ASIC2: variants seen among roughly 807,000 people sequenced by gnomAD.
The protein encoded by ASIC2 is acid-sensing ion channel 2.
Under a neutral mutation model 57.3 loss-of-function variants are expected in ASIC2, and 25 were observed. The observed-to-expected ratio is 0.44, with a 90% CI of 0.32 to 0.61. The LOEUF (loss-of-function observed/expected upper bound fraction) is 0.61. Ranked by LOEUF, ASIC2 falls within the 20% of genes least tolerant of loss-of-function variation. The pLI is 0.06. For synonymous variants in ASIC2, 319 were observed against 307.5 expected, an observed-to-expected ratio of 1.04 and a Z score of -0.39; for missense variants, 641 against 738.1, an observed-to-expected ratio of 0.87 and a Z score of 1.52.
rs928130769 is a variant in ASIC2, at chr17:33,317,875, G to T, written c.556-205808C>A. ...TGATTTTTGTGAAATGGATTTGGAC[G>T]TGTGGAGATGAGTGTGTGTGTGTGT... is the stretch of plus-strand genomic sequence containing the variant. On this transcript the variant is annotated intron_variant, in intron 1 of 9. Coordinates refer to the ASIC2 transcript ENST00000359872. Among the ~76,000 whole-genome samples the T allele has an allele frequency of 2.1e-5, 3 of 142,768 alleles. No homozygotes were observed. In the Admixed American group the frequency reaches 2.2e-4, roughly 10 times the overall value. The allele number at this position is 142,768 out of a possible 152,430, so 93.7% of individuals were successfully genotyped here.
At chr17:33,129,067 A>C (rs4795748) in intron 1 of ASIC2, among the ~76,000 whole-genome samples, 83,886 of 152,092 alleles carry the variant, frequency 0.55, 23,742 homozygotes, top group East Asian at 0.65. Flanking sequence ...GAAAGAGATA[A>C]TGCTGCAATT....
At chr17:33,496,165 C>T (rs1913923646) in intron 1 of ASIC2, among the ~76,000 whole-genome samples, 1 of 152,270 alleles carries the variant, frequency 6.6e-6, no homozygotes, top group South Asian at 2.1e-4. Flanking sequence ...GGCAGAAGAA[C>T]AGAAAGCCAT....
At position 33,751,396 on chromosome 17, in the gene ASIC2, C is replaced by T. The variant is rs530524398; in HGVS notation, c.555+404582G>A. ...TCTTTTTAAATGATGCGGCCACCTT[C>T]TAGAATAAACAGAAACTGCTGCTGT... On this transcript the variant is annotated intron_variant, in intron 1 of 9. Transcript: ENST00000359872. Among the ~76,000 whole-genome samples, 398 of 129,946 alleles carry T rather than the reference C, an allele frequency of 3.1e-3. 1 individual carries two copies. The highest frequency in any genetic ancestry group is 6.4e-3 in the Non-Finnish European group (327 of 51,496). 85.2% of individuals were successfully genotyped at this position (129,946 alleles called of 152,430 possible). A position where few individuals can be genotyped will look rare whatever the true frequency, so the allele number is the denominator to read the frequency against.
At chr17:33,364,854 G>A (rs536062650) in intron 1 of ASIC2, among the ~76,000 whole-genome samples, 1 of 152,090 alleles carries the variant, frequency 6.6e-6, no homozygotes, top group African/African-American at 2.4e-5. Context: ...ATTCCCCTTC[G>A]TTACTGTGTC....
intron 1 of ASIC2, among the ~76,000 whole-genome samples, chr17:33,584,368 G>C (rs1028629654): frequency 7.9e-5 from 12 of 152,200 alleles, no homozygotes; most frequent in Non-Finnish European, 1.6e-4. Flanking sequence ...GCTAACAAGA[G>C]AATGAATGGC....
intron 1 of ASIC2, among the ~76,000 whole-genome samples, chr17:33,879,385 T>C (rs1484993946): frequency 6.6e-6 from 1 of 152,148 alleles, no homozygotes; most frequent in African/African-American, 2.4e-5. Context: ...GAGACACACA[T>C]AGGCTCAAAA....
intron 1 of ASIC2, among the ~76,000 whole-genome samples, chr17:33,628,528 C>T (rs1906059462): frequency 6.6e-6 from 1 of 152,002 alleles, no homozygotes; most frequent in Admixed American, 6.6e-5. Context: ...AACTCTTGGC[C>T]TCAGTGATTC....
intron 1 of ASIC2, among the ~76,000 whole-genome samples, chr17:33,480,084 A>T (rs1354937364): frequency 6.6e-6 from 1 of 152,160 alleles, no homozygotes; most frequent in Non-Finnish European, 1.5e-5. Context: ...TCTAAAACAA[A>T]TCTCAATCTT....
chr17:33,163,673 A>G (rs1326226263), intron 1 of ASIC2, among the ~76,000 whole-genome samples: 1 of 152,208 alleles, frequency 6.6e-6, no homozygotes, highest in Non-Finnish European at 1.5e-5. Flanking sequence ...ATTGAATAAA[A>G]CAGATGTAAG....
chr17:33,770,979 C>T (rs1262891476), intron 1 of ASIC2, among the ~76,000 whole-genome samples: 2 of 152,084 alleles, frequency 1.3e-5, no homozygotes, highest in African/African-American at 4.8e-5. Flanking sequence ...AAGAAAGATA[C>T]CCAGGACCAC....
chr17:33,317,812 A>C (rs569775728), intron 1 of ASIC2, among the ~76,000 whole-genome samples: 2 of 152,256 alleles, frequency 1.3e-5, no homozygotes, highest in South Asian at 4.2e-4. Context: ...GAAATCCAAG[A>C]GGACTTCACG....
intron 1 of ASIC2, chr17:33,291,198 T>G: frequency 9.2e-7 from 1 of 1,088,698 alleles, no homozygotes; most frequent in Non-Finnish European, 1.2e-6. Context: ...CTCCCACTGG[T>G]GGGAGGCGAC....
At chr17:34,152,980 G>C (rs1904583248) in intron 1 of ASIC2, among the ~76,000 whole-genome samples, 1 of 152,194 alleles carries the variant, frequency 6.6e-6, no homozygotes, top group Admixed American at 6.5e-5. Flanking sequence ...GGCTAAGAGT[G>C]TACTTGCATG....
chr17:33,811,874 C>G (rs967795779), intron 1 of ASIC2, among the ~76,000 whole-genome samples: 1 of 152,198 alleles, frequency 6.6e-6, no homozygotes, highest in Non-Finnish European at 1.5e-5. Context: ...GACCTCCATG[C>G]TCCTGCACAT....
intron 1 of ASIC2, among the ~76,000 whole-genome samples, chr17:33,160,206 TA>T (rs34143186): frequency 0.15 from 19,122 of 129,412 alleles, 1,926 homozygotes; most frequent in African/African-American, 0.29. Context: ...GAGACCCTGT[TA>T]AAAAAAAAAA....
At chr17:33,400,090 G>T (rs928657099) in intron 1 of ASIC2, among the ~76,000 whole-genome samples, 1 of 152,152 alleles carries the variant, frequency 6.6e-6, no homozygotes, top group African/African-American at 2.4e-5. Context: ...TGAGGAGGCT[G>T]GTCTGGGTTA....
chr17:33,337,397 A>T (rs369589413), intron 1 of ASIC2, among the ~76,000 whole-genome samples: 11 of 150,384 alleles, frequency 7.3e-5, no homozygotes, highest in Non-Finnish European at 1.3e-4. Context: ...GCCCAAAGGC[A>T]TGTAATAGTG....
intron 1 of ASIC2, among the ~76,000 whole-genome samples, chr17:33,370,941 G>A (rs1199123811): frequency 6.6e-6 from 1 of 152,124 alleles, no homozygotes; most frequent in Non-Finnish European, 1.5e-5. Context: ...TGAAAGAATA[G>A]CTACTCCATA....
chr17:33,167,411 G>A (rs995955664), intron 1 of ASIC2, among the ~76,000 whole-genome samples: 6 of 152,168 alleles, frequency 3.9e-5, no homozygotes, highest in African/African-American at 7.2e-5. Context: ...TACTGCCACC[G>A]TCACACTAGT....
Sources: allele counts gnomAD v4.1 joint callset (sites outside exome capture counted in the v4.1 genomes callset), GRCh38; gene constraint gnomAD v4.1.1; transcripts MANE v1.5; gene names NCBI Gene and HGNC (gene_info 2026-07-23, HGNC 2026-07-21).